ADGRL3: variants seen among roughly 807,000 people sequenced by gnomAD.
The protein encoded by ADGRL3 is adhesion G protein-coupled receptor L3.
ADGRL3 carries 62 observed loss-of-function variants against 153.5 expected under a neutral mutation model. That is an observed-to-expected ratio of 0.40 (90% CI 0.33 to 0.50). ADGRL3 has a LOEUF of 0.50. ADGRL3 is among the 20% of genes least tolerant of loss of function. ADGRL3 has a pLI of 0.47. For missense variants in ADGRL3, 1,641 were observed against 1,859.4 expected, an observed-to-expected ratio of 0.88 and a Z score of 2.16; for synonymous variants, 710 against 672.5, an observed-to-expected ratio of 1.06 and a Z score of -0.86.
chr4:61,371,520 G>A (rs1396139595), intron 1 of ADGRL3, among the ~76,000 whole-genome samples: 1 of 151,196 alleles, frequency 6.6e-6, no homozygotes, highest in African/African-American at 2.4e-5. Flanking sequence ...GAAATTCTGG[G>A]TTGAAAATTC....
intron 9 of ADGRL3, among the ~76,000 whole-genome samples, chr4:61,874,787 C>CTTTTTT (rs1561398139): frequency 1.1e-5 from 1 of 88,592 alleles, no homozygotes; most frequent in Non-Finnish European, 2.2e-5. Flanking sequence ...CATCAAAATG[C>CTTTTTT]TCTTTTTTTT....
chr4:61,668,169 G>A (rs2094866353), intron 5 of ADGRL3, among the ~76,000 whole-genome samples: 1 of 152,178 alleles, frequency 6.6e-6, no homozygotes, highest in Admixed American at 6.5e-5. Context: ...GTCCTTTTAA[G>A]AGGGACATAG....
chr4:61,927,183 G>T (rs191626374), intron 13 of ADGRL3, among the ~76,000 whole-genome samples: 2 of 152,138 alleles, frequency 1.3e-5, no homozygotes, highest in African/African-American at 4.8e-5. Context: ...CATTGAAGAT[G>T]CTCAGTTAAT....
At chr4:61,810,425 G>A (rs144865374) in intron 8 of ADGRL3, among the ~76,000 whole-genome samples, 21 of 152,244 alleles carry the variant, frequency 1.4e-4, no homozygotes, top group African/African-American at 3.9e-4. Context: ...GCTATCAAAT[G>A]TCTTTCTCCG....
Position 61,763,463 on chromosome 4 carries a change from T to C in ADGRL3, c.1399+29909T>C, listed in dbSNP as rs560888644. ...CCCTCAAAGTAAGCAACATTTCTTT[T>C]TCAGAGAAAACTAGGAAATAGACAA... On this transcript the variant is annotated intron_variant, in intron 8 of 26. Transcript: ENST00000683033. Among the ~76,000 whole-genome samples, 7 of 152,208 alleles carry C rather than the reference T, an allele frequency of 4.6e-5. No individual in the cohort carries two copies. The East Asian group carries it at 1.4e-3, about 29-fold the overall frequency.
chr4:61,311,334 G>A (rs911199855), intron 1 of ADGRL3, among the ~76,000 whole-genome samples: 7 of 152,070 alleles, frequency 4.6e-5, no homozygotes, highest in African/African-American at 1.4e-4. Context: ...TGCTGTGGAC[G>A]TATTAGAGAC....
At chr4:61,655,924 G>A (rs1358726568) in intron 5 of ADGRL3, among the ~76,000 whole-genome samples, 1 of 152,042 alleles carries the variant, frequency 6.6e-6, no homozygotes, top group Non-Finnish European at 1.5e-5. Context: ...AGATATATTT[G>A]GAATGTGGTT....
intron 1 of ADGRL3, among the ~76,000 whole-genome samples, chr4:61,225,460 T>C (rs1468782516): frequency 4.6e-5 from 7 of 152,208 alleles, no homozygotes; most frequent in Non-Finnish European, 7.3e-5. Flanking sequence ...AGGGGCATTA[T>C]TTTTCCTGCC....
chr4:61,339,758 A>C (rs2095765275), intron 1 of ADGRL3, among the ~76,000 whole-genome samples: 1 of 152,166 alleles, frequency 6.6e-6, no homozygotes, highest in Admixed American at 6.6e-5. Context: ...CATTAATATA[A>C]ATTGTCAAAG....
chr4:61,892,645 T>C lies in ADGRL3; in HGVS notation c.1481-11T>C, dbSNP rs1181815468. ...AGCAATGTAGGTGTTTTCTTTCTAA[T>C]TTTATTTCAGATATCTCTACCACAG... On this transcript the variant is annotated splice_polypyrimidine_tract_variant and intron_variant, in intron 9 of 26. Transcript: ENST00000683033. 5 of 1,610,986 alleles carry C rather than the reference T, an allele frequency of 3.1e-6. No individual in the cohort carries two copies. The highest frequency in any genetic ancestry group is 2.7e-5 in the African/African-American group (2 of 74,832).
At chr4:61,634,160 C>T (rs1325923644) in intron 5 of ADGRL3, among the ~76,000 whole-genome samples, 1 of 152,020 alleles carries the variant, frequency 6.6e-6, no homozygotes, top group East Asian at 1.9e-4. Flanking sequence ...TTGTGTGTTC[C>T]TTTTATAACA....
intron 2 of ADGRL3, among the ~76,000 whole-genome samples, chr4:61,392,708 A>AAAAAAAAAAAAAAAAAAAAAGT (rs1560565678): frequency 2.2e-5 from 2 of 92,740 alleles, no homozygotes; most frequent in Non-Finnish European, 4.7e-5. Flanking sequence ...AAAAAAAAAG[A>AAAAAAAAAAAAAAAAAAAAAGT]AAAAGGAAAA....
chr4:61,886,624 ATTTGTTTGTTTGTTTGTTTG>A lies in ADGRL3; in HGVS notation c.1481-6014_1481-5995del, dbSNP rs34618045. Among the ~76,000 whole-genome samples, 52 of 149,132 alleles carry A rather than the reference ATTTGTTTGTTTGTTTGTTTG, an allele frequency of 3.5e-4. 1 individual carries two copies. The East Asian group carries it at 0.01, about 29-fold the overall frequency. ...TCTTCTCTTGTGAAGTTTAGACTAC[ATTTGTTTGTTTGTTTGTTTG>A]TTTGTTTGTTTGTTTGTGACAGAGT... On this transcript the variant is annotated intron_variant, in intron 9 of 26. Coordinates refer to ENST00000683033, the MANE Select transcript of ADGRL3 (RefSeq NM_001387552.1).
chr4:61,220,195 A>G (rs1744829754), intron 1 of ADGRL3, among the ~76,000 whole-genome samples: 1 of 151,996 alleles, frequency 6.6e-6, no homozygotes, highest in Non-Finnish European at 1.5e-5. Context: ...CATAAGCTAG[A>G]GTATTTGGTT....
intron 8 of ADGRL3, among the ~76,000 whole-genome samples, chr4:61,760,083 C>T (rs2096891636): frequency 2.0e-5 from 3 of 150,850 alleles, no homozygotes; most frequent in Admixed American, 2.0e-4. Flanking sequence ...CTGCCCCTAC[C>T]TCCCAGTTAG....
At chr4:61,683,496 G>A (rs991869685) in intron 6 of ADGRL3, among the ~76,000 whole-genome samples, 13 of 152,192 alleles carry the variant, frequency 8.5e-5, no homozygotes, top group African/African-American at 1.2e-4. Context: ...AAAGTGCCCC[G>A]TGTGTCTGGG....
intron 8 of ADGRL3, chr4:61,775,441 TTA>T (rs1225305664): frequency 8.2e-5 from 56 of 685,820 alleles, no homozygotes; most frequent in Non-Finnish European, 1.5e-4. Context: ...TGCCAAAGAT[TTA>T]TGTCTTCATT....
intron 1 of ADGRL3, among the ~76,000 whole-genome samples, chr4:61,232,200 A>G (rs1750942455): frequency 6.6e-6 from 1 of 152,106 alleles, no homozygotes. Context: ...ATATTTTTTT[A>G]TTTGGATTTA....
chr4:61,792,663 T>C lies in ADGRL3; in HGVS notation c.1400-21146T>C, dbSNP rs575057276. Among the ~76,000 whole-genome samples, 18 of 151,920 alleles carry C rather than the reference T, an allele frequency of 1.2e-4. No homozygotes were observed. The South Asian group carries it at 2.7e-3, about 23-fold the overall frequency. On this transcript the variant is annotated intron_variant, in intron 8 of 26. Transcript: ENST00000683033. ...TGCCACCACACCCAGCTAATTTTTG[T>C]ATATTTAGTAGAGACGGAGTTTCAC...
Sources: gnomAD v4.1 joint callset for allele counts (sites outside exome capture counted in the v4.1 genomes callset) on GRCh38, gnomAD v4.1.1 for gene constraint, MANE v1.5 for transcripts, NCBI Gene and HGNC (gene_info 2026-07-23, HGNC 2026-07-21) for gene names.